HACL2: variants seen among roughly 807,000 people sequenced by gnomAD.
HACL2 encodes 2-hydroxyacyl-CoA lyase 1 like.
the HACL2 span, chr19:15,119,227 G>A: frequency 6.8e-6 from 11 of 1,608,828 alleles, no homozygotes; most frequent in East Asian, 2.2e-5. Flanking sequence ...GGATGTGGAG[G>A]GGGTGGTTGC....
chr19:15,115,680 AGAT>A, the HACL2 span: 4 of 1,610,852 alleles, frequency 2.5e-6, no homozygotes, highest in East Asian at 2.2e-5. Flanking sequence ...ATCTACAGGA[AGAT>A]GATGAAGGCA....
chr19:15,120,988 AAG>A, the HACL2 span, among the ~76,000 whole-genome samples: 1 of 152,190 alleles, frequency 6.6e-6, no homozygotes, highest in African/African-American at 2.4e-5. Context: ...GAGGCAGCCC[AAG>A]AGAGAGGGGC....
At chr19:15,116,032 A>G in the HACL2 span, 9 of 1,614,026 alleles carry the variant, frequency 5.6e-6, no homozygotes, top group Non-Finnish European at 6.8e-6. Flanking sequence ...CTTGGCCCCA[A>G]GTGCAAATCC....
chr19:15,115,290 C>A, the HACL2 span: 2 of 1,614,172 alleles, frequency 1.2e-6, no homozygotes. Context: ...TCCGTCCTCC[C>A]AATGAGGATG....
At chr19:15,123,888 C>A in the HACL2 span, 1 of 411,942 alleles carries the variant, frequency 2.4e-6, no homozygotes. This position sits in a 1 kb window ranked among gnomAD's most constrained non-coding sequence, Gnocchi z 5.1. Context: ...TCCAGGATGG[C>A]AGGGCAATCA....
chr19:15,118,708 G>C, the HACL2 span, among the ~76,000 whole-genome samples: 3 of 152,168 alleles, frequency 2.0e-5, no homozygotes, highest in African/African-American at 7.2e-5. Flanking sequence ...GCCAGCCCAG[G>C]CTAGCCTACT....
At chr19:15,120,654 T>TC in the HACL2 span, among the ~76,000 whole-genome samples, 2 of 152,056 alleles carry the variant, frequency 1.3e-5, no homozygotes, top group African/African-American at 2.4e-5. Context: ...TGCCCAGCCC[T>TC]CCCCTCAGGG....
the HACL2 span, chr19:15,116,748 T>C: frequency 1.8e-6 from 1 of 548,096 alleles, no homozygotes; most frequent in Non-Finnish European, 3.2e-6. Flanking sequence ...GAAACAAGGG[T>C]TAAGGAGCAC....
chr19:15,115,732 GAC>G, the HACL2 span: 3 of 1,580,568 alleles, frequency 1.9e-6, no homozygotes, highest in Non-Finnish European at 2.6e-6. Context: ...CCAGCCAGAG[GAC>G]AGAGACAGGG....
chr19:15,115,120 C>G, the HACL2 span: 3 of 1,025,792 alleles, frequency 2.9e-6, no homozygotes, highest in Admixed American at 1.8e-5. Context: ...ACCCCTCCAT[C>G]CCCTCCTCAG....
chr19:15,124,734 G>C, the HACL2 span: 2 of 739,466 alleles, frequency 2.7e-6, no homozygotes, highest in Non-Finnish European at 4.2e-6. Flanking sequence ...TCTCTTACCA[G>C]TGGCAAAGTC....
At chr19:15,123,613 G>C in the HACL2 span, 1 of 1,591,274 alleles carries the variant, frequency 6.3e-7, no homozygotes, top group Non-Finnish European at 8.5e-7. The surrounding 1 kb of genome is among the most constrained non-coding windows in gnomAD (Gnocchi z 5.1). Flanking sequence ...AAAGTTAAAG[G>C]CCAGGGCAGA....
the HACL2 span, chr19:15,117,698 A>G: frequency 8.1e-3 from 4,740 of 585,166 alleles, 31 homozygotes; most frequent in Non-Finnish European, 0.012. Flanking sequence ...AAAATAAAAA[A>G]AATTTAAAGA....
chr19:15,119,966 AAG>A, the HACL2 span: 1 of 1,532,274 alleles, frequency 6.5e-7, no homozygotes, highest in Admixed American at 2.0e-5. Context: ...TCAGACACAA[AAG>A]AGAGGCAATT....
At chr19:15,121,744 G>A in the HACL2 span, among the ~76,000 whole-genome samples, 13 of 150,842 alleles carry the variant, frequency 8.6e-5, no homozygotes, top group Non-Finnish European at 8.9e-5. Flanking sequence ...AGGGGGAGGC[G>A]GAGGTTGCAG....
At chr19:15,125,082 G>C in the HACL2 span, 1 of 1,518,114 alleles carries the variant, frequency 6.6e-7, no homozygotes. Context: ...AAGAGAGAAA[G>C]GGCACTTCCC....
chr19:15,124,765 G>A, the HACL2 span: 21 of 975,268 alleles, frequency 2.2e-5, no homozygotes, highest in Admixed American at 2.7e-4. Flanking sequence ...TACACAGCGT[G>A]GCAATGGAGA....
At chr19:15,120,284 C>G in the HACL2 span, among the ~76,000 whole-genome samples, 2 of 152,092 alleles carry the variant, frequency 1.3e-5, no homozygotes, top group African/African-American at 4.8e-5. Context: ...CCTCTGGGGT[C>G]CACCCCAACT....
At chr19:15,123,192 A>G in the HACL2 span, 1 of 1,613,936 alleles carries the variant, frequency 6.2e-7, no homozygotes, top group Non-Finnish European at 8.5e-7. The surrounding 1 kb of genome is among the most constrained non-coding windows in gnomAD (Gnocchi z 5.1). Flanking sequence ...CACCGCAGTC[A>G]CCGTGTTGGT....
Sources: gnomAD v4.1 joint callset for allele counts (sites outside exome capture counted in the v4.1 genomes callset) on GRCh38, gnomAD v4.1.1 for gene constraint, Gnocchi (gnomAD v3.1) non-coding constraint, MANE v1.5 for transcripts, NCBI Gene and HGNC (gene_info 2026-07-23, HGNC 2026-07-21) for gene names.